PLCE1: variants seen among roughly 807,000 people sequenced by gnomAD.
PLCE1 encodes the protein phospholipase C epsilon 1, also known as 1-phosphatidylinositol 4,5-bisphosphate phosphodiesterase epsilon-1.
In PLCE1, 119 loss-of-function variants were observed where a neutral mutation model predicts 242.8. That is an observed-to-expected ratio of 0.49 (90% CI 0.42 to 0.57). PLCE1 has a LOEUF of 0.57. PLCE1 is among the 20% of genes least tolerant of loss of function. The pLI, the probability that PLCE1 is intolerant of heterozygous loss-of-function variation, is 0.00. For synonymous variants in PLCE1, 945 were observed against 1,017.4 expected, an observed-to-expected ratio of 0.93 and a Z score of 1.35; for missense variants, 2,441 against 2,788.8, an observed-to-expected ratio of 0.88 and a Z score of 2.81.
At chr10:94,024,747 C>G (rs1327404020) in intron 1 of PLCE1, among the ~76,000 whole-genome samples, 1 of 152,064 alleles carries the variant, frequency 6.6e-6, no homozygotes, top group Non-Finnish European at 1.5e-5. Context: ...CTTTAGAATT[C>G]CATTTGGCTT....
At chr10:94,210,883 C>T (rs1355494081) in intron 4 of PLCE1, among the ~76,000 whole-genome samples, 1 of 152,224 alleles carries the variant, frequency 6.6e-6, no homozygotes, top group African/African-American at 2.4e-5. Context: ...TGGGGCCTCC[C>T]TTCTAGAATT....
intron 2 of PLCE1, among the ~76,000 whole-genome samples, chr10:94,051,301 A>AAAAAG (rs2043759451): frequency 6.6e-6 from 1 of 150,690 alleles, no homozygotes; most frequent in Non-Finnish European, 1.5e-5. Flanking sequence ...AAAAAAAAAA[A>AAAAAG]AAAAAAAAAA....
chr10:94,079,499 G>A (rs1173606435), intron 2 of PLCE1, among the ~76,000 whole-genome samples: 1 of 152,146 alleles, frequency 6.6e-6, no homozygotes, highest in Non-Finnish European at 1.5e-5. Flanking sequence ...ACCTAATGTA[G>A]ATGACGTGTT....
intron 2 of PLCE1, among the ~76,000 whole-genome samples, chr10:94,130,788 C>T (rs980668406): frequency 5.3e-5 from 8 of 152,182 alleles, no homozygotes; most frequent in African/African-American, 7.2e-5. Flanking sequence ...TCATAGGACT[C>T]GGTGCATTCT....
intron 1 of PLCE1, among the ~76,000 whole-genome samples, chr10:94,027,438 A>C (rs545336455): frequency 6.6e-6 from 1 of 152,208 alleles, no homozygotes; most frequent in Non-Finnish European, 1.5e-5. Flanking sequence ...CTCATCCATG[A>C]TTCATGATAG....
intron 2 of PLCE1, among the ~76,000 whole-genome samples, chr10:94,076,106 T>C (rs2044489644): frequency 7.6e-6 from 1 of 131,414 alleles, no homozygotes; most frequent in Non-Finnish European, 1.6e-5. Flanking sequence ...ATTGGCCCTG[T>C]GTGTGTGTTT....
At chr10:94,246,807 G>T (rs188374413) in intron 8 of PLCE1, among the ~76,000 whole-genome samples, 186 bp downstream of exon 8, 1 of 152,226 alleles carries the variant, frequency 6.6e-6, no homozygotes, top group Non-Finnish European at 1.5e-5. Context: ...AATAACACCT[G>T]CTCACAGGGT....
chr10:94,135,991 G>A (rs1422599122), intron 3 of PLCE1, among the ~76,000 whole-genome samples: 2 of 152,118 alleles, frequency 1.3e-5, no homozygotes, highest in Non-Finnish European at 2.9e-5. Context: ...GTATGAAGAA[G>A]GATGGAAGGA....
chr10:94,064,156 C>T (rs183474135), intron 2 of PLCE1, among the ~76,000 whole-genome samples: 1 of 152,136 alleles, frequency 6.6e-6, no homozygotes, highest in Non-Finnish European at 1.5e-5. Flanking sequence ...TTATTTCTAT[C>T]CCTGTAAAAG....
chr10:94,096,392 C>G (rs2045309892), intron 2 of PLCE1: 1 of 152,140 alleles, frequency 6.6e-6, no homozygotes, highest in South Asian at 2.1e-4. Context: ...TTCTGAAGGG[C>G]TGGGGAGGCC....
chr10:94,022,762 T>C (rs912187121), intron 1 of PLCE1, among the ~76,000 whole-genome samples: 5 of 151,972 alleles, frequency 3.3e-5, no homozygotes, highest in Admixed American at 6.6e-5. Context: ...TTGGAGAAGA[T>C]TTTTCTGAAA....
At chr10:94,170,615 C>A (rs371952481) in intron 3 of PLCE1, among the ~76,000 whole-genome samples, 4 of 152,080 alleles carry the variant, frequency 2.6e-5, no homozygotes, top group East Asian at 3.9e-4. Context: ...TTGCAAACTC[C>A]CAAATAGATA....
At chr10:94,307,866 CTG>C (rs1176060431) in intron 26 of PLCE1, among the ~76,000 whole-genome samples, 12 of 152,154 alleles carry the variant, frequency 7.9e-5, no homozygotes, top group Non-Finnish European at 4.4e-5. Context: ...AGACCCATAA[CTG>C]TTATTATAGA....
At chr10:94,273,794 T>C (rs1589454079) in intron 19 of PLCE1, 74 bp downstream of exon 19, 1 of 1,328,644 alleles carries the variant, frequency 7.5e-7, no homozygotes. Context: ...CATTCTAACC[T>C]TTCAGATGAC....
At chr10:94,204,274 A>G (rs1467128465) in intron 4 of PLCE1, among the ~76,000 whole-genome samples, 2 of 152,230 alleles carry the variant, frequency 1.3e-5, no homozygotes, top group Non-Finnish European at 2.9e-5. Context: ...GGAGGAGCAG[A>G]TAAAAGAAGA....
chr10:94,059,390 C>A (rs1217689825), intron 2 of PLCE1, among the ~76,000 whole-genome samples: 2 of 152,120 alleles, frequency 1.3e-5, no homozygotes, highest in Non-Finnish European at 2.9e-5. Context: ...GTTATTGGAA[C>A]ATGATGACTC....
At chr10:94,283,683 T>A in intron 20 of PLCE1, 107 bp from the exon 21 acceptor site, 8 of 1,206,342 alleles carry the variant, frequency 6.6e-6, no homozygotes, top group Non-Finnish European at 7.3e-6. Flanking sequence ...AGAGCCTCAT[T>A]CTTATAGATA....
intron 4 of PLCE1, among the ~76,000 whole-genome samples, chr10:94,210,946 C>T (rs190887673): frequency 6.6e-6 from 1 of 152,346 alleles, no homozygotes; most frequent in East Asian, 1.9e-4. Flanking sequence ...GCCCAGTCTG[C>T]AGGGCACAGC....
intron 3 of PLCE1, among the ~76,000 whole-genome samples, chr10:94,141,076 A>C (rs971725434): frequency 5.3e-5 from 8 of 152,242 alleles, no homozygotes; most frequent in Non-Finnish European, 7.3e-5. Flanking sequence ...TACCACCTAA[A>C]GAGAATTCAT....
Sources: allele counts gnomAD v4.1 joint callset (sites outside exome capture counted in the v4.1 genomes callset), GRCh38; gene constraint gnomAD v4.1.1; transcripts MANE v1.5; gene names NCBI Gene and HGNC (gene_info 2026-07-23, HGNC 2026-07-21).